Variants in HDAC8 observed in about 807,000 individuals in gnomAD.
The protein encoded by HDAC8 is histone deacetylase 8, also known as histone deacetylase-like 1.
A neutral mutation model predicts 32.2 loss-of-function variants in HDAC8; 1 was observed. The ratio of observed to expected loss-of-function variants is 0.03; its 90% CI spans 0.01 to 0.15. HDAC8 has a LOEUF of 0.15. HDAC8 is among the 10% of genes least tolerant of loss of function. HDAC8 has a pLI of 1.00. For missense variants in HDAC8, 117 were observed against 300.0 expected (o/e 0.39, Z 4.51); for synonymous variants, 108 against 113.9 (o/e 0.95, Z 0.33).
At chrX:72,335,734 G>A (rs968859743) in intron 10 of HDAC8, among the ~76,000 whole-genome samples, 1 of 110,090 alleles carries the variant, frequency 9.1e-6, no homozygotes, top group African/African-American at 3.3e-5. Flanking sequence ...AAAATAGTGA[G>A]AAACTGTCTC....
At chrX:72,464,410 G>A in intron 8 of HDAC8, 149 bp downstream of exon 8, 1 of 518,094 alleles carries the variant, frequency 1.9e-6, no homozygotes, top group Non-Finnish European at 3.5e-6. Flanking sequence ...CTGAACTGTG[G>A]AGGTGGCAGA....
intron 9 of HDAC8, among the ~76,000 whole-genome samples, chrX:72,418,933 A>G (rs1555972671): frequency 9.0e-6 from 1 of 111,500 alleles, no homozygotes; most frequent in East Asian, 2.8e-4. Context: ...TTGTCAAAAA[A>G]CAATTGGTTA....
chrX:72,430,401 G>A (rs896665771), intron 9 of HDAC8, among the ~76,000 whole-genome samples: 16 of 112,218 alleles, frequency 1.4e-4, no homozygotes, highest in African/African-American at 3.6e-4. Flanking sequence ...TCCTTGAAAC[G>A]CCGTCTAGAA....
At chrX:72,481,575 G>A (rs782346922) in intron 7 of HDAC8, among the ~76,000 whole-genome samples, 4 of 109,773 alleles carry the variant, frequency 3.6e-5, no homozygotes, top group African/African-American at 9.9e-5. Flanking sequence ...CACTTTTTCG[G>A]CTCTCTTTCA....
chrX:72,562,796 T>C (rs1556123664), intron 4 of HDAC8, among the ~76,000 whole-genome samples: 1 of 111,305 alleles, frequency 9.0e-6, no homozygotes, highest in South Asian at 3.7e-4. Flanking sequence ...TAACCACTGT[T>C]ATCATTCCCA....
intron 9 of HDAC8, among the ~76,000 whole-genome samples, chrX:72,385,148 G>C (rs1194551877): frequency 9.0e-6 from 1 of 110,757 alleles, no homozygotes. Flanking sequence ...TACTTACAAA[G>C]TTAATACATT....
chrX:72,487,228 A>T (rs1931588024), intron 7 of HDAC8, among the ~76,000 whole-genome samples: 1 of 112,185 alleles, frequency 8.9e-6, no homozygotes, highest in Admixed American at 9.4e-5. Context: ...TACTTTAAAA[A>T]TGCTTCTGAT....
At chrX:72,417,669 T>C (rs1409818144) in intron 9 of HDAC8, among the ~76,000 whole-genome samples, 1 of 112,126 alleles carries the variant, frequency 8.9e-6, no homozygotes, top group African/African-American at 3.2e-5. Context: ...TTCAATGCTA[T>C]TTCTATCAAA....
At chrX:72,348,099 C>T (rs2044077950) in intron 10 of HDAC8, among the ~76,000 whole-genome samples, 1 of 112,304 alleles carries the variant, frequency 8.9e-6, no homozygotes, top group Non-Finnish European at 1.9e-5. Flanking sequence ...ACAGTCTCAT[C>T]TTTTGTGCCT....
At chrX:72,528,915 A>G (rs2050243880) in intron 4 of HDAC8, among the ~76,000 whole-genome samples, 1 of 112,422 alleles carries the variant, frequency 8.9e-6, no homozygotes, top group Admixed American at 9.4e-5. Context: ...CTCAATAAAC[A>G]TTGGTTGAAT....
At chrX:72,475,500 A>T (rs1406978802) in intron 7 of HDAC8, among the ~76,000 whole-genome samples, 1 of 111,314 alleles carries the variant, frequency 9.0e-6, no homozygotes, top group Non-Finnish European at 1.9e-5. Context: ...GGTACTGCTG[A>T]CTCATTCTGC....
Position 72,572,736 on chromosome X carries a change from T to C in HDAC8, c.26A>G (p.Asp9Gly), listed in dbSNP as rs2052150017. ...AACCGGGACCAGCGACTGCCCACTG[T>C]CCGCCGGTTCCTCCGGCTCCTCCAT... is the stretch of plus-strand genomic sequence containing the variant. Reference protein sequence around the residue: MEEPEEPADSGQSLVPVYI... With the variant: MEEPEEPAGSGQSLVPVYI... The change falls in exon 1 of 11, where the codon GAC (aspartate) becomes GGC (glycine). Residue 9 changes from aspartate to glycine, a missense_variant. Around this residue, in one of 4 missense-constraint regions of HDAC8, gnomAD observed 37 missense variants for 53.1 expected, o/e 0.70. Coordinates refer to ENST00000373573, the MANE Select transcript of HDAC8 (RefSeq NM_018486.3). The C allele has an allele frequency of 8.3e-7, 1 of 1,210,334 alleles. No homozygotes were observed. Among genetic ancestry groups the C allele is most frequent in the Admixed American group, 2.2e-5 (1 of 45,986 alleles).
chrX:72,352,262 C>T (rs1340973786), intron 9 of HDAC8, among the ~76,000 whole-genome samples: 1 of 111,294 alleles, frequency 9.0e-6, no homozygotes, highest in African/African-American at 3.3e-5. Flanking sequence ...AAAAACCTCC[C>T]CATCCTTCCA....
intron 9 of HDAC8, among the ~76,000 whole-genome samples, chrX:72,448,215 T>C (rs1453844520): frequency 8.9e-6 from 1 of 111,973 alleles, no homozygotes; most frequent in Non-Finnish European, 1.9e-5. Flanking sequence ...CAAAACAGCA[T>C]GGTACTGGTA....
intron 7 of HDAC8, among the ~76,000 whole-genome samples, chrX:72,485,908 T>C (rs1286016391): frequency 9.1e-6 from 1 of 110,050 alleles, no homozygotes; most frequent in African/African-American, 3.3e-5. Flanking sequence ...GATCACGAGG[T>C]CAGGAGATCG....
intron 9 of HDAC8, among the ~76,000 whole-genome samples, chrX:72,363,728 C>A (rs1470110384): frequency 9.0e-6 from 1 of 111,460 alleles, no homozygotes; most frequent in African/African-American, 3.3e-5. Context: ...TGGACCACCA[C>A]ACCCAGCTAA....
At chrX:72,552,519 C>T (rs2051112424) in intron 4 of HDAC8, among the ~76,000 whole-genome samples, 1 of 109,851 alleles carries the variant, frequency 9.1e-6, no homozygotes, top group Non-Finnish European at 1.9e-5. Context: ...GCTGAGGCGG[C>T]AGGAGAATCA....
intron 4 of HDAC8, among the ~76,000 whole-genome samples, chrX:72,548,727 C>A (rs1329493801): frequency 9.1e-6 from 1 of 110,321 alleles, no homozygotes; most frequent in Non-Finnish European, 1.9e-5. Flanking sequence ...GCTCTGTCAC[C>A]CAGGCTGGAG....
rs781926522 is a variant in HDAC8 at position 72,537,446 on chromosome X, T to C, written c.437+30443A>G. On this transcript the variant is annotated intron_variant, in intron 4 of 10. Coordinates refer to ENST00000373573, the MANE Select transcript of HDAC8 (RefSeq NM_018486.3). ...ATTTATACATTTCCTGCAATTAGTA[T>C]GCATTTGAGAAATTTTTAGTAAATA... Among the ~76,000 whole-genome samples the C allele has an allele frequency of 1.9e-3, 216 of 112,636 alleles. 1 individual carries two copies. The highest frequency in any genetic ancestry group is 6.7e-3 in the African/African-American group (207 of 31,084).
Sources: gnomAD v4.1 joint callset for allele counts (sites outside exome capture counted in the v4.1 genomes callset) on GRCh38, gnomAD v4.1.1 for gene constraint, gnomAD v4.1.1 regional missense constraint, MANE v1.5 for transcripts, NCBI Gene and HGNC (gene_info 2026-07-23, HGNC 2026-07-21) for gene names.